Variants in RAB29 observed in about 807,000 individuals in gnomAD.
RAB29 encodes the protein RAB29, member RAS oncogene family.
Under a neutral mutation model 25.5 loss-of-function variants are expected in RAB29, and 13 were observed. That is an observed-to-expected ratio of 0.51 (90% confidence interval 0.33 to 0.81). The LOEUF (loss-of-function observed/expected upper bound fraction) is 0.81. RAB29 is among the 30% of genes least tolerant of loss of function. The probability of loss-of-function intolerance (pLI) is 0.02; values close to 1 mark genes in which losing one functional copy is unlikely to be tolerated. For missense variants in RAB29, 201 were observed against 254.9 expected, an observed-to-expected ratio of 0.79 and a Z score of 1.44; for synonymous variants, 88 against 95.0, an observed-to-expected ratio of 0.93 and a Z score of 0.43.
rs779706718 is a variant in RAB29 at position 205,774,969 on chromosome 1, G to T, written c.-13C>A. The T allele has an allele frequency of 1.4e-5, 22 of 1,613,118 alleles. No individual in the cohort carries two copies. Among genetic ancestry groups the T allele is most frequent in the East Asian group, 2.2e-5 (1 of 44,894 alleles). On this transcript the variant is annotated 5_prime_UTR_variant, in exon 2 of 6. Coordinates refer to ENST00000367139, the MANE Select transcript of RAB29 (RefSeq NM_003929.3). ...CGCGGCTGCCCATGGCTAGCGGGGT[G>T]TGCGTTTTAGGGAGGCGGGAAGTGT...
rs1183177458 is a variant in RAB29 at position 205,772,578 on chromosome 1, A to T, written c.125-11T>A. On this transcript the variant is annotated splice_polypyrimidine_tract_variant and intron_variant, in intron 2 of 5. Transcript: ENST00000367139. ...TCAGAGCAAAATCCACTGAAAATAT[A>T]TGTACATTATACTTTAATAAAATTT... The T allele has an allele frequency of 6.2e-7, 1 of 1,605,960 alleles. No individual in the cohort carries two copies. Among genetic ancestry groups the T allele is most frequent in the South Asian group, 1.1e-5 (1 of 90,918 alleles).
intron 2 of RAB29, among the ~76,000 whole-genome samples, chr1:205,774,318 C>CT (rs1655182800): frequency 6.6e-6 from 1 of 152,154 alleles, no homozygotes; most frequent in East Asian, 1.9e-4. Flanking sequence ...AGCCCCACAA[C>CT]AAAGCTACAG....
chr1:205,774,915 C>T lies in RAB29; in HGVS notation c.42G>A (p.Gly14=). ...RDHLFKVLVV[G]DAAVGKTSLV... ...GCGACGTCTTGCCCACTGCGGCGTCCCCCACCACCAGCACTTTGAACAGGT... is the reference window on the plus strand; with the variant it reads ...GCGACGTCTTGCCCACTGCGGCGTCTCCCACCACCAGCACTTTGAACAGGT... The change falls in exon 2 of 6, where the codon GGG becomes GGA. Residue 14 remains glycine, a synonymous_variant. Transcript: ENST00000367139. 1 of 1,613,948 alleles carries T rather than the reference C, an allele frequency of 6.2e-7. No homozygotes were observed. The highest frequency in any genetic ancestry group is 2.2e-5 in the East Asian group (1 of 44,868).
chr1:205,770,892 T>G (rs752214369), intron 4 of RAB29, 38 bp from the exon 5 acceptor site: 1 of 1,611,418 alleles, frequency 6.2e-7, no homozygotes. Context: ...TATCATAAAC[T>G]TCCTGCAACT....
In RAB29 at chr1:205,769,969, C is replaced by A; in HGVS notation, c.*373G>T. The stretch of plus-strand genomic sequence containing the variant: ...TCTCATTTTCCTCTCAATTGGAAGT[C>A]ATGATATCAATGAATATCAAATGGA... On this transcript the variant is annotated 3_prime_UTR_variant, in exon 6 of 6. Transcript: ENST00000367139. The A allele has an allele frequency of 4.2e-6, 1 of 240,852 alleles. No individual in the cohort carries two copies. The highest frequency in any genetic ancestry group is 8.2e-6 in the Non-Finnish European group (1 of 122,214). The allele number at this position is 240,852 out of a possible 1,614,324, so 14.9% of individuals were successfully genotyped here.
chr1:205,774,802 C>T (rs770733297), intron 2 of RAB29, 31 bp downstream of exon 2: 3 of 1,426,206 alleles, frequency 2.1e-6, no homozygotes, highest in Non-Finnish European at 2.9e-6. Flanking sequence ...TCCTCCTCCC[C>T]CTCCCCCTCC....
At chr1:205,774,795 T>TGCGCC in intron 2 of RAB29, 38 bp downstream of exon 2, 1 of 860,522 alleles carries the variant, frequency 1.2e-6, no homozygotes, top group Non-Finnish European at 1.8e-6. Context: ...CGGGGCCTCC[T>TGCGCC]CCTCCCCCTC....
intron 1 of RAB29, 37 bp downstream of exon 1, chr1:205,775,236 C>T: frequency 7.9e-6 from 3 of 378,226 alleles, no homozygotes; most frequent in Admixed American, 4.1e-5. Context: ...GCCTGACTGC[C>T]GAGAAACTGG....
intron 3 of RAB29, among the ~76,000 whole-genome samples, chr1:205,771,930 A>G (rs1438932534): frequency 6.8e-6 from 1 of 148,034 alleles, no homozygotes; most frequent in Non-Finnish European, 1.5e-5. Context: ...TTGTAAAGTG[A>G]AGATAAAAGC....
At chr1:205,774,068 AC>A (rs1655168620) in intron 2 of RAB29, among the ~76,000 whole-genome samples, 1 of 152,174 alleles carries the variant, frequency 6.6e-6, no homozygotes, top group African/African-American at 2.4e-5. Context: ...CAAAGGCCAC[AC>A]CCGGGAAAGA....
chr1:205,773,821 AAGG>A (rs1273588383), intron 2 of RAB29, among the ~76,000 whole-genome samples: 3 of 152,140 alleles, frequency 2.0e-5, no homozygotes, highest in Non-Finnish European at 4.4e-5. Context: ...GGGGGTTCTT[AAGG>A]AGAATGTTTT....
rs1273017889 is a variant in RAB29 at position 205,771,800 on chromosome 1, T to C, written c.197-147A>G. The C allele has an allele frequency of 2.7e-5, 22 of 817,430 alleles. No individual in the cohort carries two copies. The East Asian group carries it at 3.2e-4, about 12-fold the overall frequency. The allele number at this position is 817,430 out of a possible 1,614,324, so 50.6% of individuals were successfully genotyped here. A position where few individuals can be genotyped will look rare whatever the true frequency, so the allele number is the denominator to read the frequency against. Reference sequence around the variant, plus strand: ...GGTTTTCTATCCCATAAAGGGATAATGAAGCCCAATTATTTCCAAGGCAGA... The same window carrying C: ...GGTTTTCTATCCCATAAAGGGATAACGAAGCCCAATTATTTCCAAGGCAGA... On this transcript the variant is annotated intron_variant, in intron 3 of 5. Coordinates refer to ENST00000367139, the MANE Select transcript of RAB29 (RefSeq NM_003929.3).
intron 2 of RAB29, among the ~76,000 whole-genome samples, chr1:205,774,336 G>A (rs535258419): frequency 7.2e-5 from 11 of 152,244 alleles, no homozygotes; most frequent in East Asian, 1.9e-4. Flanking sequence ...CAGTCCTTCA[G>A]ACCAGTTCCG....
intron 2 of RAB29, among the ~76,000 whole-genome samples, chr1:205,773,397 G>A (rs1285684403): frequency 1.3e-5 from 2 of 152,170 alleles, no homozygotes. Context: ...ATTAATAGCA[G>A]GCCACTTTTA....
Position 205,771,565 on chromosome 1 carries a change from G to A in RAB29, c.285C>T (p.Thr95=), listed in dbSNP as rs1202357409. ...GTTTCCACCTCTGGCTGTTGCTGAA[G>A]GTAGTGGCATTGGTAACGTCAAACA... is the stretch of plus-strand genomic sequence containing the variant. ...VIMFDVTNAT[T]FSNSQRWKQD... Residue 95 remains threonine, a synonymous_variant, in exon 4 of 6, where the codon ACC becomes ACT. Coordinates refer to ENST00000367139, the MANE Select transcript of RAB29 (RefSeq NM_003929.3). The A allele has an allele frequency of 6.2e-7, 1 of 1,614,092 alleles. No individual in the cohort carries two copies. Among genetic ancestry groups the A allele is most frequent in the East Asian group, 2.2e-5 (1 of 44,874 alleles).
intron 4 of RAB29, 80 bp downstream of exon 4, chr1:205,771,392 G>T: frequency 6.6e-7 from 1 of 1,513,164 alleles, no homozygotes; most frequent in Non-Finnish European, 9.2e-7. Context: ...GGAAATGGAT[G>T]CCCAGAATCA....
rs745491778 is a variant in RAB29 at position 205,774,864 on chromosome 1, G to A, written c.93C>T (p.Ser31=). The change falls in exon 2 of 6, where the codon AGC becomes AGT. Residue 31 remains serine (S), a synonymous_variant. Transcript: ENST00000367139. ...TSLVQRYSQD[S]FSKHYKSTVG... ...CCGTGGACTTGTAGTGTTTGCTGAA[G>A]CTGTCCTGGGAATATCGCTGCACCA... The A allele has an allele frequency of 3.3e-6, 5 of 1,537,740 alleles. No homozygotes were observed. The highest frequency in any genetic ancestry group is 1.4e-5 in the African/African-American group (1 of 72,008).
In RAB29 at chr1:205,770,609, C is replaced by T. The variant is rs990917072; in HGVS notation, c.500+124G>A. The T allele has an allele frequency of 3.3e-6, 5 of 1,504,258 alleles. No individual in the cohort carries two copies. In the African/African-American group the frequency reaches 6.9e-5, roughly 21 times the overall value. The allele number at this position is 1,504,258 out of a possible 1,614,324, so 93.2% of individuals were successfully genotyped here. A position where few individuals can be genotyped will look rare whatever the true frequency, so the allele number is the denominator to read the frequency against. ...TCTCAGGAAAGACAGTATCCCTGACCTTTAGGGGCTAGCATTCCAATGGCT... is the reference window on the plus strand; with the variant it reads ...TCTCAGGAAAGACAGTATCCCTGACTTTTAGGGGCTAGCATTCCAATGGCT... On this transcript the variant is annotated intron_variant, in intron 5 of 5. Coordinates refer to ENST00000367139, the MANE Select transcript of RAB29 (RefSeq NM_003929.3).
In RAB29 at chr1:205,768,423, G is replaced by C. The variant is rs1189737751; in HGVS notation, c.*1919C>G. Reference sequence around the variant, plus strand: ...TCTCCAGCAATGGTTTCCAAACCAGGCTTATCACAATCACCAGGGAAGCTC... The same window carrying C: ...TCTCCAGCAATGGTTTCCAAACCAGCCTTATCACAATCACCAGGGAAGCTC... On this transcript the variant is annotated 3_prime_UTR_variant, in exon 6 of 6. Transcript: ENST00000367139. 6.6e-6 allele frequency: 1 copy of C among 152,160 alleles called. No homozygotes were observed. Among genetic ancestry groups the C allele is most frequent in the African/African-American group, 2.4e-5 (1 of 41,432 alleles). 9.4% of individuals were successfully genotyped at this position (152,160 alleles called of 1,614,324 possible). A position where few individuals can be genotyped will look rare whatever the true frequency, so the allele number is the denominator to read the frequency against.
Sources: allele counts gnomAD v4.1 joint callset (sites outside exome capture counted in the v4.1 genomes callset), GRCh38; gene constraint gnomAD v4.1.1; transcripts MANE v1.5; gene names NCBI Gene and HGNC (gene_info 2026-07-23, HGNC 2026-07-21).